Variants in ILRUN observed in about 807,000 individuals in gnomAD.
ILRUN encodes inflammation and lipid regulator with UBA-like and NBR1-like domains, also known as protein ILRUN.
In ILRUN, 3 loss-of-function variants were observed where a neutral mutation model predicts 33.8. The ratio of observed to expected loss-of-function variants is 0.09; its 90% confidence interval spans 0.04 to 0.23. The LOEUF is 0.23. Ranked by LOEUF, ILRUN falls within the 10% of genes least tolerant of loss-of-function variation. ILRUN has a pLI of 1.00. For synonymous variants in ILRUN, 124 were observed against 138.9 expected (o/e 0.89, Z 0.75); for missense variants, 210 against 375.1 (o/e 0.56, Z 3.64).
At chr6:34,638,494 G>A (rs1363074577) in intron 3 of ILRUN, among the ~76,000 whole-genome samples, 4 of 151,972 alleles carry the variant, frequency 2.6e-5, no homozygotes, top group Admixed American at 6.6e-5. Flanking sequence ...TGGGAGGATC[G>A]CTTGAGCCTA....
rs999448089 is a variant in ILRUN, at chr6:34,630,114, A to G, written c.511+16487T>C. 6.6e-5 allele frequency among the ~76,000 whole-genome samples: 10 copies of G among 152,202 alleles called. No homozygotes were observed. In the East Asian group the frequency reaches 9.6e-4, roughly 15 times the overall value. On this transcript the variant is annotated intron_variant, in intron 3 of 4. Transcript: ENST00000374023. The stretch of plus-strand genomic sequence containing the variant: ...GACACAAGCACTGCAATATCCCAAC[A>G]GTCGATCTGATAACCAAGATGGCTA...
At chr6:34,614,452 A>ATG (rs1761833268) in intron 3 of ILRUN, among the ~76,000 whole-genome samples, 2 of 139,828 alleles carry the variant, frequency 1.4e-5, no homozygotes, top group African/African-American at 5.7e-5. Flanking sequence ...AAATATATAT[A>ATG]TATAAAATGT....
intron 4 of ILRUN, among the ~76,000 whole-genome samples, chr6:34,605,712 A>G (rs1761615925): frequency 6.6e-6 from 1 of 152,224 alleles, no homozygotes; most frequent in African/African-American, 2.4e-5. Flanking sequence ...CCCCTCAAAT[A>G]AACATAAACT....
chr6:34,598,721 CTCAG>C (rs1453305643), intron 4 of ILRUN, among the ~76,000 whole-genome samples: 5 of 152,194 alleles, frequency 3.3e-5, no homozygotes, highest in Admixed American at 6.5e-5. Context: ...ACTTTTTATT[CTCAG>C]TCAGATAGTA....
At chr6:34,668,657 A>AAACCTTCTTTTCTTTTTACG (rs1763051250) in intron 1 of ILRUN, among the ~76,000 whole-genome samples, 1 of 152,150 alleles carries the variant, frequency 6.6e-6, no homozygotes, top group African/African-American at 2.4e-5. Flanking sequence ...TTCAGAGGCT[A>AAACCTTCTTTTCTTTTTACG]CCTGTGAGAA....
At chr6:34,669,577 C>A (rs1582095461) in intron 1 of ILRUN, among the ~76,000 whole-genome samples, 1 of 152,132 alleles carries the variant, frequency 6.6e-6, no homozygotes, top group East Asian at 1.9e-4. Context: ...GTGGTTGTTA[C>A]TTTTATTACT....
rs555627291 is a variant in ILRUN, at chr6:34,654,023, A to G, written c.313+602T>C. Among the ~76,000 whole-genome samples the G allele has an allele frequency of 1.7e-4, 26 of 151,090 alleles. No individual in the cohort carries two copies. In the South Asian group the frequency reaches 4.4e-3, roughly 26 times the overall value. On this transcript the variant is annotated intron_variant, in intron 2 of 4. Transcript: ENST00000374023. ...ATTCTGTGTGTGAGCTACCACACCC[A>G]ATCTGTATTTTTTTTTTAAACCAAC...
chr6:34,659,518 G>A (rs1162157743), intron 1 of ILRUN, among the ~76,000 whole-genome samples: 1 of 150,432 alleles, frequency 6.6e-6, no homozygotes, highest in African/African-American at 2.4e-5. Flanking sequence ...TAAATGAATT[G>A]TAACCCCCAT....
At chr6:34,676,577 A>C (rs1763240783) in intron 1 of ILRUN, among the ~76,000 whole-genome samples, 1 of 151,682 alleles carries the variant, frequency 6.6e-6, no homozygotes, top group South Asian at 2.1e-4. Context: ...ACCTCAGCTC[A>C]CTGCAGCCTC....
intron 1 of ILRUN, among the ~76,000 whole-genome samples, chr6:34,683,127 T>C (rs544672631): frequency 4.0e-5 from 6 of 148,806 alleles, no homozygotes; most frequent in African/African-American, 1.5e-4. Context: ...AAAAAATATA[T>C]ATATACACAC....
intron 3 of ILRUN, among the ~76,000 whole-genome samples, chr6:34,609,877 G>A (rs1242619355): frequency 6.6e-6 from 1 of 152,130 alleles, no homozygotes; most frequent in African/African-American, 2.4e-5. Context: ...AAGAAAATAT[G>A]GCCGGGTGTG....
intron 2 of ILRUN, among the ~76,000 whole-genome samples, chr6:34,651,881 C>T (rs1762679475): frequency 6.6e-6 from 1 of 150,496 alleles, no homozygotes; most frequent in Non-Finnish European, 1.5e-5. Flanking sequence ...CAACCTCTGC[C>T]TCCTGGGTTC....
chr6:34,626,053 T>C (rs1485264009), intron 3 of ILRUN, among the ~76,000 whole-genome samples: 2 of 152,156 alleles, frequency 1.3e-5, no homozygotes, highest in Non-Finnish European at 2.9e-5. Context: ...GGTTTCACCA[T>C]GTTAGCTAGG....
chr6:34,653,239 AT>A (rs199892713), intron 2 of ILRUN, among the ~76,000 whole-genome samples: 1 of 150,568 alleles, frequency 6.6e-6, no homozygotes, highest in Non-Finnish European at 1.5e-5. Flanking sequence ...TTTATTTTTA[AT>A]TTTTTTTTGA....
At chr6:34,602,157 A>G (rs1019795400) in intron 4 of ILRUN, among the ~76,000 whole-genome samples, 2 of 152,122 alleles carry the variant, frequency 1.3e-5, no homozygotes, top group Non-Finnish European at 2.9e-5. Context: ...TAAGAGCCAT[A>G]TTTCAAGTAA....
intron 1 of ILRUN, among the ~76,000 whole-genome samples, chr6:34,663,383 A>G (rs1206575456): frequency 6.6e-6 from 1 of 152,172 alleles, no homozygotes; most frequent in African/African-American, 2.4e-5. Context: ...TTATCATACC[A>G]CTGTACCCCA....
chr6:34,674,063 T>C (rs568094238), intron 1 of ILRUN, among the ~76,000 whole-genome samples: 1 of 152,312 alleles, frequency 6.6e-6, no homozygotes, highest in African/African-American at 2.4e-5. Context: ...AGTCTTGCTC[T>C]GTCACCCACG....
intron 3 of ILRUN, among the ~76,000 whole-genome samples, chr6:34,635,913 C>T (rs562120090): frequency 1.4e-4 from 22 of 152,144 alleles, no homozygotes; most frequent in Middle Eastern, 3.4e-3. Flanking sequence ...TGAGTCACCA[C>T]GCTGGGCCTG....
At chr6:34,682,572 G>C (rs1368901733) in intron 1 of ILRUN, among the ~76,000 whole-genome samples, 1 of 150,950 alleles carries the variant, frequency 6.6e-6, no homozygotes, top group African/African-American at 2.4e-5. Flanking sequence ...TCTGTCTTCT[G>C]AAGTGATCCT....
Sources: gnomAD v4.1 joint callset for allele counts (sites outside exome capture counted in the v4.1 genomes callset) on GRCh38, gnomAD v4.1.1 for gene constraint, MANE v1.5 for transcripts, NCBI Gene and HGNC (gene_info 2026-07-23, HGNC 2026-07-21) for gene names.